The following ST7 variants were observed in gnomAD, a reference collection of about 807,000 sequenced individuals.
ST7 encodes suppressor of tumorigenicity 7 protein.
A neutral mutation model predicts 78.7 loss-of-function variants in ST7; 28 were observed. The ratio of observed to expected loss-of-function variants is 0.36; its 90% confidence interval spans 0.26 to 0.49. The LOEUF (loss-of-function observed/expected upper bound fraction) is 0.49, where lower values mean the gene tolerates loss of function less well. ST7 is among the 20% of genes least tolerant of loss of function. The pLI is 0.99. For synonymous variants in ST7, 247 were observed against 249.6 expected (o/e 0.99, Z 0.10); for missense variants, 418 against 696.0 (o/e 0.60, Z 4.49).
intron 1 of ST7, chr7:116,957,218 A>G (rs1039672387): frequency 6.5e-6 from 1 of 153,320 alleles, no homozygotes; most frequent in African/African-American, 2.4e-5. Context: ...ATATAGTTCA[A>G]AGAATTCCAC....
chr7:116,977,169 G>C (rs180964743), intron 1 of ST7, among the ~76,000 whole-genome samples: 19 of 152,298 alleles, frequency 1.2e-4, no homozygotes, highest in Middle Eastern at 3.4e-3. Context: ...CAAGGGCCCT[G>C]TTCTAACATT....
rs1051834474 is a variant in ST7, at chr7:117,223,142, G to A, written c.1638+1080G>A. The A allele has an allele frequency of 4.9e-6, 3 of 615,142 alleles. No homozygotes were observed. The South Asian group carries it at 5.8e-5, about 12-fold the overall frequency. The allele number at this position is 615,142 out of a possible 1,614,324, so 38.1% of individuals were successfully genotyped here. On this transcript the variant is annotated intron_variant, in intron 15 of 15. Coordinates refer to ENST00000323984, the MANE Select transcript of ST7 (RefSeq NM_001369598.1). Reference sequence around the variant, plus strand: ...TCGTCTCGGCCTTCACAATCTGTCAGTTCTAACCTCCTAAGCAACTAGGCC... The same window carrying A: ...TCGTCTCGGCCTTCACAATCTGTCAATTCTAACCTCCTAAGCAACTAGGCC...
In ST7 at chr7:117,079,390, T is replaced by C. The variant is rs564500477; in HGVS notation, c.152-20372T>C. ...GTATTGAGGGACAACTATAATTTCATACAGGATTTTGTGATTGTAGCAAAC... is the reference window on the plus strand; with the variant it reads ...GTATTGAGGGACAACTATAATTTCACACAGGATTTTGTGATTGTAGCAAAC... On this transcript the variant is annotated intron_variant, in intron 1 of 15. Transcript: ENST00000323984. 1.2e-4 allele frequency among the ~76,000 whole-genome samples: 18 copies of C among 152,328 alleles called. No homozygotes were observed. In the South Asian group the frequency reaches 3.7e-3, roughly 32 times the overall value.
At chr7:117,031,254 G>A (rs909198015) in intron 1 of ST7, among the ~76,000 whole-genome samples, 3 of 151,788 alleles carry the variant, frequency 2.0e-5, no homozygotes, top group Non-Finnish European at 2.9e-5. Flanking sequence ...TGGGTACTGC[G>A]CTTATTACTG....
chr7:117,037,148 T>C (rs1444893666), intron 1 of ST7, among the ~76,000 whole-genome samples: 1 of 152,184 alleles, frequency 6.6e-6, no homozygotes, highest in Non-Finnish European at 1.5e-5. Context: ...GTCTTCCCCC[T>C]AAACATTGGT....
At chr7:117,218,991 C>T in intron 13 of ST7, 93 bp from the exon 14 acceptor site, 1 of 924,012 alleles carries the variant, frequency 1.1e-6, no homozygotes, top group Non-Finnish European at 1.7e-6. Context: ...AGAAGTGTTC[C>T]CTGTTATAAA....
intron 1 of ST7, among the ~76,000 whole-genome samples, chr7:117,054,842 A>G (rs559863424): frequency 3.3e-4 from 51 of 152,354 alleles, no homozygotes; most frequent in Non-Finnish European, 5.6e-4. Context: ...TAATACATCC[A>G]TCTCATGATA....
chr7:116,973,696 A>G (rs566507076), intron 1 of ST7, among the ~76,000 whole-genome samples: 2 of 152,316 alleles, frequency 1.3e-5, no homozygotes, highest in South Asian at 4.1e-4. Context: ...TCAATAATGT[A>G]TAGTTATTTT....
At chr7:117,132,941 C>T (rs1310847846) in intron 6 of ST7, among the ~76,000 whole-genome samples, 2 of 151,896 alleles carry the variant, frequency 1.3e-5, no homozygotes, top group African/African-American at 4.8e-5. Flanking sequence ...CACTCAATTA[C>T]TAAGCCACCC....
chr7:117,174,243 G>T (rs1181862150), intron 10 of ST7, among the ~76,000 whole-genome samples: 1 of 152,104 alleles, frequency 6.6e-6, no homozygotes, highest in Non-Finnish European at 1.5e-5. Flanking sequence ...CATTATAGGT[G>T]GGCAGTTTTA....
At chr7:116,960,100 A>T (rs1173668590) in intron 1 of ST7, among the ~76,000 whole-genome samples, 1 of 152,104 alleles carries the variant, frequency 6.6e-6, no homozygotes, top group Non-Finnish European at 1.5e-5. Flanking sequence ...GTTTGATGCT[A>T]TGGCTCTTTC....
intron 1 of ST7, among the ~76,000 whole-genome samples, chr7:117,083,853 A>G (rs1799956935): frequency 6.6e-6 from 1 of 151,180 alleles, no homozygotes; most frequent in South Asian, 2.1e-4. Flanking sequence ...AGGCAGCACT[A>G]AGGCAAGCTG....
intron 1 of ST7, among the ~76,000 whole-genome samples, chr7:117,094,831 C>G (rs1223650539): frequency 1.3e-5 from 2 of 152,058 alleles, no homozygotes; most frequent in Non-Finnish European, 2.9e-5. Context: ...TTTTTTCAGC[C>G]TAAATAACTT....
chr7:117,093,902 G>A (rs1476060874), intron 1 of ST7, among the ~76,000 whole-genome samples: 1 of 152,148 alleles, frequency 6.6e-6, no homozygotes, highest in Non-Finnish European at 1.5e-5. Flanking sequence ...TTTTTGTAAA[G>A]AGATTTTCAC....
chr7:117,075,986 T>G (rs139415703), intron 1 of ST7, among the ~76,000 whole-genome samples: 161 of 152,330 alleles, frequency 1.1e-3, no homozygotes, highest in Admixed American at 3.5e-3. Flanking sequence ...AGAGATCCCC[T>G]CATTCACCAT....
At position 117,005,629 on chromosome 7, in the gene ST7, G is replaced by T. The variant is rs572596781; in HGVS notation, c.151+51938G>T. Among the ~76,000 whole-genome samples the T allele has an allele frequency of 1.1e-3, 160 of 152,200 alleles. 1 individual carries two copies. The highest frequency in any genetic ancestry group is 3.8e-3 in the African/African-American group (157 of 41,518). ...AGTGCTGATGGACTGTGGAAACAAT[G>T]ACTACCATGGACCACTGTTTGAAGA... On this transcript the variant is annotated intron_variant, in intron 1 of 15. Coordinates refer to ENST00000323984, the MANE Select transcript of ST7 (RefSeq NM_001369598.1).
At position 117,031,449 on chromosome 7, in the gene ST7, T is replaced by A. The variant is rs28818509; in HGVS notation, c.152-68313T>A. Reference sequence around the variant, plus strand: ...ATGTGCATATATATGCATATATGTGTGTATATGTGCATATATATGCATATA... The same window carrying A: ...ATGTGCATATATATGCATATATGTGAGTATATGTGCATATATATGCATATA... On this transcript the variant is annotated intron_variant, in intron 1 of 15. Transcript: ENST00000323984. Among the ~76,000 whole-genome samples the A allele has an allele frequency of 8.0e-5, 9 of 112,514 alleles. 3 individuals carry two copies. The South Asian group carries it at 1.9e-3, about 24-fold the overall frequency. The allele number at this position is 112,514 out of a possible 152,430, so 73.8% of individuals were successfully genotyped here.
At chr7:117,209,484 A>G (rs762944091) in intron 12 of ST7, among the ~76,000 whole-genome samples, 2 of 152,146 alleles carry the variant, frequency 1.3e-5, no homozygotes, top group Non-Finnish European at 2.9e-5. Context: ...ATTATACCAA[A>G]TTATTGTGTC....
chr7:117,087,553 A>G (rs981830425), intron 1 of ST7, among the ~76,000 whole-genome samples: 4 of 152,244 alleles, frequency 2.6e-5, no homozygotes, highest in Admixed American at 2.0e-4. Context: ...TTCTTGCAGC[A>G]GAAAAAAGAT....
Sources: gnomAD v4.1 joint callset for allele counts (sites outside exome capture counted in the v4.1 genomes callset) on GRCh38, gnomAD v4.1.1 for gene constraint, MANE v1.5 for transcripts, NCBI Gene and HGNC (gene_info 2026-07-23, HGNC 2026-07-21) for gene names.